Variants in TRPM3 observed in about 807,000 individuals in gnomAD.
TRPM3 encodes the protein long transient receptor potential channel 3.
TRPM3 carries 77 observed loss-of-function variants against 181.2 expected under a neutral mutation model. That is an observed-to-expected ratio of 0.42 (90% CI 0.35 to 0.51). The LOEUF is 0.51. TRPM3 is among the 20% of genes least tolerant of loss of function. TRPM3 has a pLI of 0.01. For missense variants in TRPM3, 1,759 were observed against 2,196.7 expected (o/e 0.80, Z 3.98); for synonymous variants, 745 against 796.4 (o/e 0.94, Z 1.09).
chr9:71,420,379 G>A lies in TRPM3; in HGVS notation c.183+26274C>T, dbSNP rs113684534. Among the ~76,000 whole-genome samples, 86 of 152,002 alleles carry A rather than the reference G, an allele frequency of 5.7e-4. 1 individual carries two copies. The highest frequency in any genetic ancestry group is 2.0e-3 in the African/African-American group (81 of 41,510). On this transcript the variant is annotated intron_variant, in intron 1 of 24. Coordinates refer to the TRPM3 transcript ENST00000357533. ...CTTCATGATAATGTTTGGGGGAAATGTGAAAAGGGAATAATAAAGAGAAAG... is the reference window on the plus strand; with the variant it reads ...CTTCATGATAATGTTTGGGGGAAATATGAAAAGGGAATAATAAAGAGAAAG...
chr9:70,887,579 A>G (rs921353931), intron 1 of TRPM3, among the ~76,000 whole-genome samples: 5 of 152,194 alleles, frequency 3.3e-5, no homozygotes, highest in Non-Finnish European at 7.4e-5. Flanking sequence ...AATATCTGGT[A>G]TGATAAGAAG....
At chr9:70,585,448 G>A (rs1333083383) in intron 22 of TRPM3, among the ~76,000 whole-genome samples, 1 of 151,970 alleles carries the variant, frequency 6.6e-6, no homozygotes, top group Non-Finnish European at 1.5e-5. Context: ...AGTTCTATGT[G>A]CAAAATAGCC....
At chr9:71,296,818 A>G (rs1416880969) in intron 1 of TRPM3, among the ~76,000 whole-genome samples, 6 of 152,122 alleles carry the variant, frequency 3.9e-5, no homozygotes, top group Admixed American at 3.3e-4. Context: ...GTTTTTAGAT[A>G]CATTTTGAAA....
intron 1 of TRPM3, among the ~76,000 whole-genome samples, chr9:71,332,068 G>T (rs2090230948): frequency 6.6e-6 from 1 of 150,956 alleles, no homozygotes; most frequent in Non-Finnish European, 1.5e-5. Flanking sequence ...TTAAGGAATA[G>T]AAAATTCTGG....
intron 22 of TRPM3, among the ~76,000 whole-genome samples, chr9:70,566,456 T>G (rs1564355121): frequency 6.6e-6 from 1 of 152,060 alleles, no homozygotes; most frequent in African/African-American, 2.4e-5. Flanking sequence ...GAAAGCAGCA[T>G]GTGGAGGCTT....
At chr9:70,766,903 T>C (rs946504503) in intron 7 of TRPM3, among the ~76,000 whole-genome samples, 23 of 152,244 alleles carry the variant, frequency 1.5e-4, no homozygotes, top group Admixed American at 8.5e-4. Context: ...TTTTCATATA[T>C]GTAAAATGGG....
intron 1 of TRPM3, among the ~76,000 whole-genome samples, chr9:71,096,590 A>ACACACACACACACTCTCTCTCTCT (rs1452142664): frequency 1.1e-5 from 1 of 89,996 alleles, no homozygotes; most frequent in African/African-American, 5.2e-5. Flanking sequence ...ACACACACAC[A>ACACACACACACACTCTCTCTCTCT]CTCTCTCTCT....
rs1476167867 is a variant in TRPM3, at chr9:70,681,420, G to T, written c.1345+86C>A. 4 of 1,114,908 alleles carry T rather than the reference G, an allele frequency of 3.6e-6. No homozygotes were observed. The East Asian group carries it at 7.1e-5, about 20-fold the overall frequency. The allele number at this position is 1,114,908 out of a possible 1,614,324, so 69.1% of individuals were successfully genotyped here. ...TTTATTGTGTCATAGTATCATTTGG[G>T]ATTATATCTATTATTAGGAGACATA... On this transcript the variant is annotated intron_variant, in intron 9 of 25. Coordinates refer to ENST00000677713, the MANE Select transcript of TRPM3 (RefSeq NM_001366145.2).
chr9:70,536,591 T>C lies in TRPM3; in HGVS notation c.4522A>G (p.Ile1508Val). The change falls in exon 26 of 26, where the codon ATT becomes GTT. Residue 1508 changes from isoleucine to valine, a missense_variant. Physicochemically the swap from Ile to Val is conservative, Grantham distance 29. This residue lies in a region of TRPM3 where 612 missense variants were observed against 590.0 expected (regional missense o/e 1.04). Coordinates refer to ENST00000677713, the MANE Select transcript of TRPM3 (RefSeq NM_001366145.2). Reference protein sequence around the residue: ...WDSEPPMYHTIERSKSSRYLA... With the variant: ...WDSEPPMYHTVERSKSSRYLA... ...TAGCGGCTACTTTTGGAACGCTCAA[T>C]GGTGTGGTACATCGGAGGCTCTGAG... is the stretch of plus-strand genomic sequence containing the variant. 6.2e-7 allele frequency: 1 copy of C among 1,614,090 alleles called. No homozygotes were observed. Among genetic ancestry groups the C allele is most frequent in the Non-Finnish European group, 8.5e-7 (1 of 1,180,014 alleles).
chr9:70,874,269 T>C (rs1214147014), intron 1 of TRPM3, among the ~76,000 whole-genome samples: 1 of 151,984 alleles, frequency 6.6e-6, no homozygotes, highest in African/African-American at 2.4e-5. Flanking sequence ...CAATTAATCA[T>C]TGCTTGGCAA....
At chr9:70,541,226 G>GT (rs1460585789) in intron 25 of TRPM3, among the ~76,000 whole-genome samples, 2 of 152,110 alleles carry the variant, frequency 1.3e-5, no homozygotes, top group Non-Finnish European at 2.9e-5. Context: ...GGGGAGGGAG[G>GT]CCTGTTGGAA....
chr9:70,916,152 T>C (rs996835631), intron 1 of TRPM3, among the ~76,000 whole-genome samples: 3 of 152,160 alleles, frequency 2.0e-5, no homozygotes, highest in African/African-American at 7.2e-5. Flanking sequence ...AGCAAAAATA[T>C]CCTTCAAACA....
rs541660937 is a variant in TRPM3, at chr9:71,260,875, T to C, written c.183+185778A>G. ...TTCCTATTTGAATACCTTTTATCTC[T>C]TTCTCTTGCCTGAGTGTCCTTTGTG... On this transcript the variant is annotated intron_variant, in intron 1 of 24. Coordinates refer to the TRPM3 transcript ENST00000357533. Among the ~76,000 whole-genome samples, 4 of 152,324 alleles carry C rather than the reference T, an allele frequency of 2.6e-5. No homozygotes were observed. The South Asian group carries it at 8.3e-4, about 32-fold the overall frequency.
chr9:71,321,729 T>A (rs1049560001), intron 1 of TRPM3, among the ~76,000 whole-genome samples: 1 of 152,040 alleles, frequency 6.6e-6, no homozygotes, highest in Non-Finnish European at 1.5e-5. Flanking sequence ...GCTAAAGGGG[T>A]CTAAGCTGGG....
At chr9:70,890,920 G>A (rs1303420560) in intron 1 of TRPM3, among the ~76,000 whole-genome samples, 1 of 151,898 alleles carries the variant, frequency 6.6e-6, no homozygotes, top group Non-Finnish European at 1.5e-5. Flanking sequence ...CAAGGCTGGA[G>A]TGTATGCATG....
At chr9:71,031,999 A>AG (rs371152900) in intron 1 of TRPM3, among the ~76,000 whole-genome samples, 1,136 of 1,692 alleles carry the variant, frequency 0.67, 439 homozygotes, top group Middle Eastern at 1. Context: ...ATATATATAT[A>AG]ATTATATAAT....
At chr9:71,051,575 G>A (rs986006604) in intron 1 of TRPM3, among the ~76,000 whole-genome samples, 21 of 152,162 alleles carry the variant, frequency 1.4e-4, no homozygotes, top group African/African-American at 4.3e-4. Context: ...TGCAAAATAT[G>A]GACAGAAAGT....
At chr9:70,865,683 T>C (rs1232464293) in intron 1 of TRPM3, among the ~76,000 whole-genome samples, 2 of 151,996 alleles carry the variant, frequency 1.3e-5, no homozygotes, top group African/African-American at 4.8e-5. Context: ...ACCTCCCTCT[T>C]CTCTCACAAG....
At chr9:71,061,238 G>C (rs540149142) in intron 1 of TRPM3, among the ~76,000 whole-genome samples, 1 of 152,212 alleles carries the variant, frequency 6.6e-6, no homozygotes, top group African/African-American at 2.4e-5. Flanking sequence ...GGTGGACAGA[G>C]GCCACTTCCT....
Sources: gnomAD v4.1 joint callset for allele counts (sites outside exome capture counted in the v4.1 genomes callset) on GRCh38, gnomAD v4.1.1 for gene constraint, gnomAD v4.1.1 regional missense constraint, MANE v1.5 for transcripts, NCBI Gene and HGNC (gene_info 2026-07-23, HGNC 2026-07-21) for gene names.